The following PAX5 variants were observed in gnomAD, a reference collection of about 807,000 sequenced individuals.
PAX5 encodes the protein paired box 5.
In PAX5, 9 loss-of-function variants were observed where a neutral mutation model predicts 43.7. The ratio of observed to expected loss-of-function variants is 0.21; its 90% CI spans 0.12 to 0.36. The LOEUF is 0.36. Among genes scored for constraint, PAX5 ranks in the 10% least tolerant of loss-of-function variants. PAX5 has a pLI of 1.00. For missense variants in PAX5, 383 were observed against 532.7 expected (o/e 0.72, Z 2.77); for synonymous variants, 228 against 214.3 (o/e 1.06, Z -0.56).
chr9:36,847,374 C>A (rs768321459), intron 8 of PAX5, among the ~76,000 whole-genome samples: 21 of 152,106 alleles, frequency 1.4e-4, no homozygotes, highest in Non-Finnish European at 2.1e-4. Context: ...CTCAGTTCTA[C>A]CCCCCACCTG....
intron 8 of PAX5, among the ~76,000 whole-genome samples, chr9:36,870,511 AT>A (rs1251629675): frequency 6.6e-6 from 1 of 152,258 alleles, no homozygotes; most frequent in African/African-American, 2.4e-5. Flanking sequence ...ATGTAATGAA[AT>A]TTTTGTAAGC....
chr9:36,967,133 C>T (rs1029451479), intron 5 of PAX5, among the ~76,000 whole-genome samples: 19 of 152,252 alleles, frequency 1.2e-4, no homozygotes, highest in African/African-American at 3.9e-4. Context: ...AAGACCTTCC[C>T]GGGAGGTACA....
At chr9:37,006,666 C>A (rs755177479) in intron 3 of PAX5, 129 bp from the exon 4 acceptor site, 2 of 746,362 alleles carry the variant, frequency 2.7e-6, no homozygotes, top group Non-Finnish European at 4.8e-6. Context: ...GGCAGAGGGG[C>A]AGAGGTGGAG....
chr9:36,906,511 A>G (rs1445402992), intron 7 of PAX5, among the ~76,000 whole-genome samples: 2 of 152,240 alleles, frequency 1.3e-5, no homozygotes, highest in African/African-American at 4.8e-5. Context: ...GAAGGAACAC[A>G]GCCCACCACT....
At position 36,940,005 on chromosome 9, in the gene PAX5, G is replaced by T. The variant is rs533411148; in HGVS notation, c.781-16521C>A. ...ATCAAATAGCTAAATCACAGGGCTG[G>T]AAGGCTGCAAATCCTGCAAGGCACC... is the stretch of plus-strand genomic sequence containing the variant. On this transcript the variant is annotated intron_variant, in intron 6 of 9. Coordinates refer to ENST00000358127, the MANE Select transcript of PAX5 (RefSeq NM_016734.3). Among the ~76,000 whole-genome samples, 4 of 152,348 alleles carry T rather than the reference G, an allele frequency of 2.6e-5. No homozygotes were observed. In the South Asian group the frequency reaches 8.3e-4, roughly 32 times the overall value.
intron 5 of PAX5, among the ~76,000 whole-genome samples, chr9:36,989,929 A>G (rs563453877): frequency 1.3e-5 from 2 of 152,206 alleles, no homozygotes; most frequent in Non-Finnish European, 2.9e-5. Context: ...CATGGAGCTC[A>G]CAGTCTTGCT....
intron 6 of PAX5, among the ~76,000 whole-genome samples, chr9:36,958,855 C>T (rs1270058408): frequency 1.3e-5 from 2 of 152,252 alleles, no homozygotes; most frequent in Non-Finnish European, 2.9e-5. Context: ...TACTCCTCCC[C>T]CATGGGACCT....
At chr9:36,951,919 G>A (rs10120291) in intron 6 of PAX5, among the ~76,000 whole-genome samples, 2,874 of 152,130 alleles carry the variant, frequency 0.019, 91 homozygotes, top group African/African-American at 0.063. Context: ...ACAGCCTAAC[G>A]TTTATCAATA....
At chr9:36,970,540 T>C (rs1361975533) in intron 5 of PAX5, among the ~76,000 whole-genome samples, 1 of 152,144 alleles carries the variant, frequency 6.6e-6, no homozygotes, top group Non-Finnish European at 1.5e-5. Context: ...AATCGCTCGT[T>C]CCTTCAGGTC....
chr9:36,928,219 A>T (rs1017757996), intron 6 of PAX5, among the ~76,000 whole-genome samples: 28 of 151,910 alleles, frequency 1.8e-4, no homozygotes, highest in African/African-American at 6.5e-4. Flanking sequence ...ATTCTCCCCA[A>T]TCTCTTGGGT....
At chr9:37,002,213 C>T (rs556150164) in intron 5 of PAX5, among the ~76,000 whole-genome samples, 67 of 152,368 alleles carry the variant, frequency 4.4e-4, no homozygotes, top group Middle Eastern at 3.4e-3. Flanking sequence ...ACCCACCCCT[C>T]CGCCCTCCGC....
intron 2 of PAX5, among the ~76,000 whole-genome samples, chr9:37,016,138 T>A (rs1839365214): frequency 1.3e-5 from 2 of 152,202 alleles, no homozygotes; most frequent in Non-Finnish European, 2.9e-5. Flanking sequence ...CAAGACCAAA[T>A]GGGCAAGCTA....
At chr9:36,970,702 T>C (rs1834860451) in intron 5 of PAX5, among the ~76,000 whole-genome samples, 1 of 152,158 alleles carries the variant, frequency 6.6e-6, no homozygotes, top group South Asian at 2.1e-4. Flanking sequence ...CCATATGGAA[T>C]GGAAACCATC....
intron 3 of PAX5, among the ~76,000 whole-genome samples, chr9:37,012,505 G>A (rs997058051): frequency 1.4e-4 from 22 of 152,116 alleles, no homozygotes; most frequent in African/African-American, 3.9e-4. Flanking sequence ...CACTCAGGAC[G>A]CCCCTGAGGC....
intron 5 of PAX5, among the ~76,000 whole-genome samples, chr9:36,999,297 C>T (rs1337752845): frequency 1.3e-5 from 2 of 152,232 alleles, no homozygotes; most frequent in Non-Finnish European, 2.9e-5. Flanking sequence ...TTACCCAGCT[C>T]TCAAATGCCA....
At chr9:37,020,837 G>T (rs377355229) in intron 1 of PAX5, 36 bp from the exon 2 acceptor site, 1 of 1,610,318 alleles carries the variant, frequency 6.2e-7, no homozygotes, top group Non-Finnish European at 8.5e-7. Flanking sequence ...AAGGGAAAGG[G>T]TAGTTAGAAC....
chr9:37,019,978 G>A (rs1564083983), intron 2 of PAX5, among the ~76,000 whole-genome samples: 2 of 152,120 alleles, frequency 1.3e-5, no homozygotes, highest in South Asian at 4.1e-4. Flanking sequence ...GAAAATAAAC[G>A]GGAGTGCTAA....
intron 7 of PAX5, among the ~76,000 whole-genome samples, chr9:36,921,259 A>G (rs1164857810): frequency 1.3e-5 from 2 of 152,142 alleles, no homozygotes; most frequent in East Asian, 1.9e-4. Flanking sequence ...TGCCTACCCA[A>G]TCTTCTCATA....
intron 6 of PAX5, chr9:36,930,791 C>A: frequency 7.9e-7 from 1 of 1,271,782 alleles, no homozygotes; most frequent in South Asian, 1.3e-5. Flanking sequence ...GGAAACTAAG[C>A]AATATGAGAG....
Sources: gnomAD v4.1 joint callset for allele counts (sites outside exome capture counted in the v4.1 genomes callset) on GRCh38, gnomAD v4.1.1 for gene constraint, MANE v1.5 for transcripts, NCBI Gene and HGNC (gene_info 2026-07-23, HGNC 2026-07-21) for gene names.